CADPS: variants seen among roughly 807,000 people sequenced by gnomAD.
CADPS encodes the protein calcium dependent secretion activator.
Under a neutral mutation model 167.3 loss-of-function variants are expected in CADPS, and 57 were observed. That is an observed-to-expected ratio of 0.34 (90% confidence interval 0.28 to 0.42). The LOEUF is 0.42. Ranked by LOEUF, CADPS falls within the 20% of genes least tolerant of loss-of-function variation. The probability of loss-of-function intolerance (pLI) is 1.00; values close to 1 mark genes in which losing one functional copy is unlikely to be tolerated. For missense variants in CADPS, 1,414 were observed against 1,738.1 expected, an observed-to-expected ratio of 0.81 and a Z score of 3.32; for synonymous variants, 676 against 635.3, an observed-to-expected ratio of 1.06 and a Z score of -0.96.
chr3:62,641,355 T>C lies in CADPS; in HGVS notation c.1325+4367A>G, dbSNP rs2067377244. On this transcript the variant is annotated intron_variant, in intron 6 of 29. Transcript: ENST00000383710. ...AAATGGTAAAGGAGTGCCTTCTTTT[T>C]CACATAATTTCATCTCACTCAATGC... Among the ~76,000 whole-genome samples, 5 of 152,330 alleles carry C rather than the reference T, an allele frequency of 3.3e-5. No individual in the cohort carries two copies. In the South Asian group the frequency reaches 1.0e-3, roughly 32 times the overall value.
At chr3:62,488,248 C>T (rs2063133882) in intron 21 of CADPS, among the ~76,000 whole-genome samples, 1 of 152,106 alleles carries the variant, frequency 6.6e-6, no homozygotes, top group Non-Finnish European at 1.5e-5. Flanking sequence ...CTTCATCAAC[C>T]CACCAATAAG....
At chr3:62,630,065 T>C (rs1425259491) in intron 6 of CADPS, among the ~76,000 whole-genome samples, 1 of 152,166 alleles carries the variant, frequency 6.6e-6, no homozygotes, top group Non-Finnish European at 1.5e-5. Context: ...TACTTTTTTT[T>C]GGTCTCCACC....
At chr3:62,828,202 T>G (rs2074411731) in intron 1 of CADPS, among the ~76,000 whole-genome samples, 1 of 152,170 alleles carries the variant, frequency 6.6e-6, no homozygotes, top group Non-Finnish European at 1.5e-5. Flanking sequence ...GGAGATCTAC[T>G]GACACATGGT....
At chr3:62,731,532 T>C (rs2077795024) in intron 3 of CADPS, among the ~76,000 whole-genome samples, 1 of 152,070 alleles carries the variant, frequency 6.6e-6, no homozygotes, top group East Asian at 1.9e-4. Context: ...TTTGTTGGCA[T>C]GTATACTCTC....
intron 28 of CADPS, among the ~76,000 whole-genome samples, chr3:62,437,411 T>C (rs1288371854): frequency 6.1e-5 from 9 of 147,892 alleles, no homozygotes; most frequent in African/African-American, 1.0e-4. Flanking sequence ...TCAGTGGAAA[T>C]AAGATTGCTC....
intron 9 of CADPS, among the ~76,000 whole-genome samples, chr3:62,563,962 C>G (rs188600341): frequency 2.1e-4 from 32 of 152,220 alleles, no homozygotes; most frequent in African/African-American, 6.7e-4. Flanking sequence ...TGTCTAAGTG[C>G]TAGGAGTTAT....
At chr3:62,464,041 A>G (rs535006832) in intron 26 of CADPS, among the ~76,000 whole-genome samples, 1 of 152,330 alleles carries the variant, frequency 6.6e-6, no homozygotes, top group African/African-American at 2.4e-5. Flanking sequence ...GCATTTTACA[A>G]TAATCATATT....
intron 3 of CADPS, among the ~76,000 whole-genome samples, chr3:62,705,882 T>G (rs779258591): frequency 2.9e-4 from 44 of 152,302 alleles, no homozygotes; most frequent in Admixed American, 1.0e-3. Flanking sequence ...CATTCCTTTC[T>G]GCTCTCAGCA....
intron 23 of CADPS, among the ~76,000 whole-genome samples, chr3:62,476,630 T>C (rs1490210777): frequency 1.3e-5 from 2 of 152,154 alleles, no homozygotes; most frequent in East Asian, 1.9e-4. Context: ...GATTACAGCA[T>C]GGTAAGGGAT....
intron 6 of CADPS, among the ~76,000 whole-genome samples, chr3:62,638,248 C>T (rs1237030): frequency 0.52 from 78,628 of 151,754 alleles, 20,853 homozygotes; most frequent in East Asian, 0.76. Flanking sequence ...CTTGTGAACA[C>T]TGATGAATCT....
At chr3:62,811,180 G>C (rs771719783) in intron 1 of CADPS, among the ~76,000 whole-genome samples, 5 of 152,116 alleles carry the variant, frequency 3.3e-5, no homozygotes, top group Non-Finnish European at 7.4e-5. Flanking sequence ...CAAGTCAAAT[G>C]CTCCACAAGA....
At chr3:62,596,677 G>T (rs1233666430) in intron 6 of CADPS, among the ~76,000 whole-genome samples, 1 of 152,152 alleles carries the variant, frequency 6.6e-6, no homozygotes, top group Admixed American at 6.5e-5. Context: ...TAGTACTAGA[G>T]AACACTAGAA....
At chr3:62,454,794 A>C (rs2058489903) in intron 26 of CADPS, among the ~76,000 whole-genome samples, 1 of 152,114 alleles carries the variant, frequency 6.6e-6, no homozygotes, top group African/African-American at 2.4e-5. Context: ...ACTGAGTTGC[A>C]GGGCTACTGG....
intron 11 of CADPS, among the ~76,000 whole-genome samples, chr3:62,549,653 AAC>A (rs1344524932): frequency 6.6e-6 from 1 of 152,082 alleles, no homozygotes; most frequent in African/African-American, 2.4e-5. Flanking sequence ...CTCTCACCAA[AAC>A]AGAGATAAAA....
At chr3:62,615,889 A>C (rs1014593373) in intron 6 of CADPS, among the ~76,000 whole-genome samples, 7 of 152,194 alleles carry the variant, frequency 4.6e-5, no homozygotes, top group African/African-American at 1.7e-4. Context: ...AGGAATAATA[A>C]GACAACCCTG....
At chr3:62,759,252 G>C (rs2084760425) in intron 2 of CADPS, among the ~76,000 whole-genome samples, 1 of 152,108 alleles carries the variant, frequency 6.6e-6, no homozygotes, top group Non-Finnish European at 1.5e-5. Context: ...TTCCTTTGTA[G>C]GATTTTGGTG....
Position 62,492,165 on chromosome 3 carries a change from G to A in CADPS, c.2884+125C>T, listed in dbSNP as rs924526051. On this transcript the variant is annotated intron_variant, in intron 20 of 29. Coordinates refer to ENST00000383710, the MANE Select transcript of CADPS (RefSeq NM_003716.4). The stretch of plus-strand genomic sequence containing the variant: ...TGTATGTTTCTTTTTGGGGGGTGGG[G>A]TTAATCATAATAAAACCATGAAGAG... 2.1e-5 allele frequency: 17 copies of A among 801,534 alleles called. No homozygotes were observed. The East Asian group carries it at 3.9e-4, about 19-fold the overall frequency. 49.7% of individuals were successfully genotyped at this position (801,534 alleles called of 1,614,324 possible). A position where few individuals can be genotyped will look rare whatever the true frequency, so the allele number is the denominator to read the frequency against.
Position 62,544,276 on chromosome 3 carries a change from C to T in CADPS, c.1966+5627G>A, listed in dbSNP as rs2076135135. Among the ~76,000 whole-genome samples, 1 of 152,108 alleles carries T rather than the reference C, an allele frequency of 6.6e-6. No homozygotes were observed. The highest frequency in any genetic ancestry group is 1.5e-5 in the Non-Finnish European group (1 of 68,006). On this transcript the variant is annotated intron_variant, in intron 11 of 29. Coordinates refer to ENST00000383710, the MANE Select transcript of CADPS (RefSeq NM_003716.4). The surrounding 1 kb of genome is among the most constrained non-coding windows in gnomAD (Gnocchi z 4.4). ...TGAACTCTTTAGTGTTCAAATAATG[C>T]ATTTGCTTTCTTAATTGTATTTTGC...
At chr3:62,720,976 C>T (rs1411127685) in intron 3 of CADPS, among the ~76,000 whole-genome samples, 2 of 151,676 alleles carry the variant, frequency 1.3e-5, no homozygotes, top group African/African-American at 2.4e-5. Flanking sequence ...CACCACCACG[C>T]CCGGCTAATT....
Sources: gnomAD v4.1 joint callset for allele counts (sites outside exome capture counted in the v4.1 genomes callset) on GRCh38, gnomAD v4.1.1 for gene constraint, Gnocchi (gnomAD v3.1) non-coding constraint, MANE v1.5 for transcripts, NCBI Gene and HGNC (gene_info 2026-07-23, HGNC 2026-07-21) for gene names.